PRKN: variants seen among roughly 807,000 people sequenced by gnomAD.
PRKN encodes parkin RBR E3 ubiquitin protein ligase, also known as E3 ubiquitin-protein ligase parkin.
A neutral mutation model predicts 59.5 loss-of-function variants in PRKN; 56 were observed. The ratio of observed to expected loss-of-function variants is 0.94; its 90% CI spans 0.76 to 1.18. PRKN has a LOEUF of 1.18. PRKN is among the 50% of genes most tolerant of loss of function. The pLI, the probability that PRKN is intolerant of heterozygous loss-of-function variation, is 0.00. For missense variants in PRKN, 657 were observed against 596.4 expected, an observed-to-expected ratio of 1.10 and a Z score of -1.06; for synonymous variants, 250 against 222.1, an observed-to-expected ratio of 1.13 and a Z score of -1.12.
intron 9 of PRKN, among the ~76,000 whole-genome samples, chr6:161,431,138 CAAA>C (rs142701766): frequency 7.3e-6 from 1 of 137,814 alleles, no homozygotes; most frequent in Admixed American, 7.4e-5. Flanking sequence ...GACTCTGTCT[CAAA>C]AAAAAAAAAA....
intron 1 of PRKN, among the ~76,000 whole-genome samples, chr6:162,636,593 G>T (rs1048034024): frequency 6.6e-6 from 1 of 152,166 alleles, no homozygotes; most frequent in Non-Finnish European, 1.5e-5. Flanking sequence ...TGTTCTCCAA[G>T]TTTTCACATT....
rs1789595603 is a variant in PRKN at position 161,448,579 on chromosome 6, T to C, written c.1084-61702A>G. ...GTCTTTCTTCTCTTCTTTCTCTTTCTCTGTCCCCCGAGGTAGCATCTATGC... is the reference window on the plus strand; with the variant it reads ...GTCTTTCTTCTCTTCTTTCTCTTTCCCTGTCCCCCGAGGTAGCATCTATGC... On this transcript the variant is annotated intron_variant, in intron 9 of 11. Coordinates refer to ENST00000366898, the MANE Select transcript of PRKN (RefSeq NM_004562.3). The surrounding 1 kb of genome is among the most constrained non-coding windows in gnomAD (Gnocchi z 5.1). Among the ~76,000 whole-genome samples, 2 of 152,246 alleles carry C rather than the reference T, an allele frequency of 1.3e-5. No homozygotes were observed.
intron 10 of PRKN, among the ~76,000 whole-genome samples, chr6:161,380,410 C>T (rs910313222): frequency 1.3e-5 from 2 of 150,814 alleles, no homozygotes; most frequent in East Asian, 3.9e-4. Context: ...TGGCCAAGTC[C>T]AAAGTCCAAG....
intron 1 of PRKN, among the ~76,000 whole-genome samples, chr6:162,578,267 G>A (rs1780642595): frequency 6.6e-6 from 1 of 151,916 alleles, no homozygotes; most frequent in African/African-American, 2.4e-5. Flanking sequence ...TATAGTATAA[G>A]CCTCTGTTTT....
At chr6:162,307,986 G>T (rs375074627) in intron 2 of PRKN, among the ~76,000 whole-genome samples, 3 of 152,188 alleles carry the variant, frequency 2.0e-5, no homozygotes, top group African/African-American at 7.2e-5. Flanking sequence ...TGACATTTAA[G>T]GATTAAAGGC....
intron 7 of PRKN, among the ~76,000 whole-genome samples, chr6:161,776,089 G>A (rs1037510950): frequency 2.0e-5 from 3 of 152,174 alleles, no homozygotes; most frequent in African/African-American, 7.2e-5. Context: ...TCAGCCCCTA[G>A]AGCAACAGAA....
intron 1 of PRKN, among the ~76,000 whole-genome samples, chr6:162,518,257 A>T (rs913233981): frequency 5.3e-5 from 8 of 152,238 alleles, no homozygotes; most frequent in African/African-American, 1.9e-4. Context: ...AGCACTTATC[A>T]TTACATTAAG....
chr6:161,630,203 T>C (rs1420631110), intron 7 of PRKN, among the ~76,000 whole-genome samples: 1 of 152,192 alleles, frequency 6.6e-6, no homozygotes, highest in Non-Finnish European at 1.5e-5. Flanking sequence ...GCAGAGCCTT[T>C]AGGGTCTGAA....
At chr6:161,947,023 T>C (rs1343712752) in intron 6 of PRKN, among the ~76,000 whole-genome samples, 1 of 152,220 alleles carries the variant, frequency 6.6e-6, no homozygotes, top group African/African-American at 2.4e-5. Context: ...TATGCACTTA[T>C]ATTTATAGAC....
Position 161,527,540 on chromosome 6 carries a change from G to A in PRKN, c.1083+21314C>T, listed in dbSNP as rs1320675156. Among the ~76,000 whole-genome samples the A allele has an allele frequency of 6.6e-6, 1 of 152,158 alleles. No homozygotes were observed. Among genetic ancestry groups the A allele is most frequent in the East Asian group, 1.9e-4 (1 of 5,188 alleles). On this transcript the variant is annotated intron_variant, in intron 9 of 11. Coordinates refer to ENST00000366898, the MANE Select transcript of PRKN (RefSeq NM_004562.3). This position sits in a 1 kb window ranked among gnomAD's most constrained non-coding sequence, Gnocchi z 4.6. ...GATGCCTTCTGCTACCAAGTGCTGT[G>A]GCCTCTCTCTGCCTGAGGGGTGGAG... is the stretch of plus-strand genomic sequence containing the variant.
chr6:162,727,410 C>G lies in PRKN; in HGVS notation c.7+252G>C, dbSNP rs969450371. On this transcript the variant is annotated intron_variant, in intron 1 of 11. Coordinates refer to ENST00000366898, the MANE Select transcript of PRKN (RefSeq NM_004562.3). ...GGGGTGCGGGGCCGCCTGGCGTCCC[C>G]GTCGAGGCGGTCTTCATGAGAACGC... 1.7e-5 allele frequency: 8 copies of G among 473,500 alleles called. No homozygotes were observed. The Admixed American group carries it at 2.1e-4, about 13-fold the overall frequency. 29.3% of individuals were successfully genotyped at this position (473,500 alleles called of 1,614,324 possible).
intron 6 of PRKN, among the ~76,000 whole-genome samples, chr6:161,966,699 T>C (rs923351768): frequency 6.6e-6 from 1 of 152,238 alleles, no homozygotes; most frequent in African/African-American, 2.4e-5. Context: ...AGCAAGTCAC[T>C]ACTGTTGGTA....
chr6:162,418,083 T>C (rs1788737323), intron 2 of PRKN, among the ~76,000 whole-genome samples: 1 of 152,192 alleles, frequency 6.6e-6, no homozygotes, highest in Non-Finnish European at 1.5e-5. Context: ...TCATTCACGA[T>C]ACTCAACAAG....
chr6:162,206,058 G>A (rs901073992), intron 3 of PRKN, among the ~76,000 whole-genome samples: 3 of 152,056 alleles, frequency 2.0e-5, no homozygotes, highest in Non-Finnish European at 2.9e-5. Flanking sequence ...GGTTTTACTC[G>A]TGGCACTGGG....
At chr6:161,432,359 T>A (rs1788685206) in intron 9 of PRKN, among the ~76,000 whole-genome samples, 1 of 85,758 alleles carries the variant, frequency 1.2e-5, no homozygotes, top group African/African-American at 4.1e-5. Context: ...CCTCTGATTT[T>A]TTTTTTTTTT....
At chr6:161,781,390 T>C (rs1047376211) in intron 7 of PRKN, among the ~76,000 whole-genome samples, 11 of 152,162 alleles carry the variant, frequency 7.2e-5, no homozygotes, top group Non-Finnish European at 4.4e-5. Flanking sequence ...CATCCATTCA[T>C]CCCTGCCTCA....
At chr6:162,202,855 A>G (rs1784787538) in intron 3 of PRKN, among the ~76,000 whole-genome samples, 1 of 152,212 alleles carries the variant, frequency 6.6e-6, no homozygotes, top group Non-Finnish European at 1.5e-5. Flanking sequence ...GTGCACTAAG[A>G]AGTGCATAGA....
chr6:161,543,511 T>A (rs1779690311), intron 9 of PRKN, among the ~76,000 whole-genome samples: 2 of 152,196 alleles, frequency 1.3e-5, no homozygotes, highest in Non-Finnish European at 2.9e-5. Context: ...CAAACCTGCC[T>A]CCGAGCGACA....
At chr6:162,312,306 T>G (rs1782550900) in intron 2 of PRKN, among the ~76,000 whole-genome samples, 1 of 152,122 alleles carries the variant, frequency 6.6e-6, no homozygotes, top group African/African-American at 2.4e-5. Context: ...TTTGTTTCCT[T>G]TCTGATTTTT....
Sources: gnomAD v4.1 joint callset for allele counts (sites outside exome capture counted in the v4.1 genomes callset) on GRCh38, gnomAD v4.1.1 for gene constraint, Gnocchi (gnomAD v3.1) non-coding constraint, MANE v1.5 for transcripts, NCBI Gene and HGNC (gene_info 2026-07-23, HGNC 2026-07-21) for gene names.